SYK: variants seen among roughly 807,000 people sequenced by gnomAD.
SYK encodes tyrosine-protein kinase SYK.
A neutral mutation model predicts 77.8 loss-of-function variants in SYK; 16 were observed. That is an observed-to-expected ratio of 0.21 (90% CI 0.14 to 0.31). The LOEUF (loss-of-function observed/expected upper bound fraction) is 0.31. Ranked by LOEUF, SYK falls within the 10% of genes least tolerant of loss-of-function variation. The pLI, the probability that SYK is intolerant of heterozygous loss-of-function variation, is 1.00. For synonymous variants in SYK, 312 were observed against 308.7 expected (o/e 1.01, Z -0.11); for missense variants, 529 against 814.4 (o/e 0.65, Z 4.26).
intron 7 of SYK, among the ~76,000 whole-genome samples, chr9:90,870,675 T>C (rs1827694639): frequency 6.6e-6 from 1 of 152,192 alleles, no homozygotes; most frequent in Admixed American, 6.5e-5. Context: ...AAGCTAATAG[T>C]AGCCTATTCC....
intron 3 of SYK, among the ~76,000 whole-genome samples, chr9:90,846,984 A>G (rs971234454): frequency 3.3e-5 from 5 of 152,272 alleles, no homozygotes; most frequent in Non-Finnish European, 5.9e-5. Flanking sequence ...GAGGCTGGCC[A>G]ACTTCTGCTG....
intron 11 of SYK, among the ~76,000 whole-genome samples, chr9:90,886,551 A>G (rs1828586749): frequency 6.6e-6 from 1 of 152,104 alleles, no homozygotes; most frequent in Admixed American, 6.5e-5. Context: ...TAAAAATACA[A>G]AAAATTGGCC....
rs371809072 is a variant in SYK, at chr9:90,874,662, T to C, written c.1004-10T>C. ...AGCCCCAGGTCGTATGTTTCTTGAC[T>C]GCATTGCAGGCCCCCAGAGAGAAGC... On this transcript the variant is annotated splice_polypyrimidine_tract_variant and intron_variant, in intron 8 of 13. Transcript: ENST00000375754. The C allele has an allele frequency of 1.0e-5, 16 of 1,607,752 alleles. No individual in the cohort carries two copies. The African/African-American group carries it at 1.9e-4, about 19-fold the overall frequency.
intron 1 of SYK, among the ~76,000 whole-genome samples, chr9:90,836,822 G>C (rs990250067): frequency 5.9e-5 from 9 of 152,198 alleles, no homozygotes; most frequent in African/African-American, 2.2e-4. Context: ...ATAAGAAAAA[G>C]CTGAATTGCT....
At chr9:90,849,820 C>T (rs972607594) in intron 3 of SYK, among the ~76,000 whole-genome samples, 3 of 152,222 alleles carry the variant, frequency 2.0e-5, no homozygotes, top group Non-Finnish European at 4.4e-5. Context: ...TGTAAAATGG[C>T]TTTAATGTCA....
chr9:90,891,852 C>T (rs983357065), intron 13 of SYK, among the ~76,000 whole-genome samples: 1 of 152,186 alleles, frequency 6.6e-6, no homozygotes, highest in Admixed American at 6.5e-5. Flanking sequence ...GGGTCCCTCA[C>T]TGCAGGCATT....
intron 1 of SYK, among the ~76,000 whole-genome samples, chr9:90,836,503 ATTAACTGCAGT>A (rs1826092809): frequency 6.6e-6 from 1 of 152,216 alleles, no homozygotes; most frequent in Admixed American, 6.5e-5. Context: ...ATTGCATAAA[ATTAACTGCAGT>A]ACACACTGTA....
At chr9:90,819,189 A>T (rs1194581629) in intron 1 of SYK, among the ~76,000 whole-genome samples, 2 of 152,220 alleles carry the variant, frequency 1.3e-5, no homozygotes, top group Non-Finnish European at 2.9e-5. Flanking sequence ...GTCACTCAAA[A>T]TGGATAAAGA....
chr9:90,884,941 G>GTA (rs1011460641), intron 11 of SYK, among the ~76,000 whole-genome samples: 5 of 47,244 alleles, frequency 1.1e-4, no homozygotes, highest in African/African-American at 4.5e-4. Flanking sequence ...GCACATATGT[G>GTA]TATATATATA....
intron 11 of SYK, among the ~76,000 whole-genome samples, chr9:90,884,235 A>T (rs868789047): frequency 6.7e-6 from 1 of 148,312 alleles, no homozygotes; most frequent in South Asian, 2.1e-4. Context: ...ACATACACAT[A>T]CGTGTATATA....
chr9:90,828,303 C>G lies in SYK; in HGVS notation c.-41-15555C>G, dbSNP rs920840051. ...AAGGATCTTGGGATGGGTACCAGGG[C>G]AGGATCAAGGAAAGCCTGCAACTGC... On this transcript the variant is annotated intron_variant, in intron 1 of 13. Transcript: ENST00000375754. Among the ~76,000 whole-genome samples, 28 of 143,436 alleles carry G rather than the reference C, an allele frequency of 2.0e-4. 1 individual carries two copies. The highest frequency in any genetic ancestry group is 1.5e-5 in the Non-Finnish European group (1 of 66,562). 94.1% of individuals were successfully genotyped at this position (143,436 alleles called of 152,430 possible). A position where few individuals can be genotyped will look rare whatever the true frequency, so the allele number is the denominator to read the frequency against.
At position 90,897,691 on chromosome 9, in the gene SYK, T is replaced by G. The variant is rs1196128905; in HGVS notation, c.*2091T>G. 3 of 224,672 alleles carry G rather than the reference T, an allele frequency of 1.3e-5. No homozygotes were observed. 13.9% of individuals were successfully genotyped at this position (224,672 alleles called of 1,614,324 possible). On this transcript the variant is annotated 3_prime_UTR_variant, in exon 14 of 14. Coordinates refer to ENST00000375754, the MANE Select transcript of SYK (RefSeq NM_003177.7). The stretch of plus-strand genomic sequence containing the variant: ...CCCAGGAGCCTGGGGATGCCAAACA[T>G]CCAGAATGTGATGGGACAAGATGGG...
intron 11 of SYK, among the ~76,000 whole-genome samples, chr9:90,880,883 G>A (rs536647069): frequency 7.2e-5 from 11 of 152,332 alleles, no homozygotes; most frequent in African/African-American, 2.2e-4. Context: ...AGACCTCTGC[G>A]GGGCTGTCAG....
At chr9:90,874,609 T>G in intron 8 of SYK, 63 bp from the exon 9 acceptor site, 1 of 1,529,738 alleles carries the variant, frequency 6.5e-7, no homozygotes, top group South Asian at 1.2e-5. Flanking sequence ...ATCATGTTCT[T>G]GGAAGGATGA....
At chr9:90,831,934 G>A (rs1825912020) in intron 1 of SYK, among the ~76,000 whole-genome samples, 1 of 152,190 alleles carries the variant, frequency 6.6e-6, no homozygotes, top group Non-Finnish European at 1.5e-5. Context: ...AGAAGGTTGT[G>A]ATGTGCTTTA....
chr9:90,855,011 T>TACACACAC (rs55839931), intron 3 of SYK, among the ~76,000 whole-genome samples: 26,524 of 143,184 alleles, frequency 0.19, 2,989 homozygotes, highest in Admixed American at 0.31. Context: ...CACACATACA[T>TACACACAC]ACACACACAC....
chr9:90,873,280 G>A lies in SYK; in HGVS notation c.916-924G>A, dbSNP rs374913325. Among the ~76,000 whole-genome samples, 90 of 151,468 alleles carry A rather than the reference G, an allele frequency of 5.9e-4. 1 individual carries two copies. The highest frequency in any genetic ancestry group is 2.1e-3 in the African/African-American group (86 of 41,208). On this transcript the variant is annotated intron_variant, in intron 7 of 13. Coordinates refer to ENST00000375754, the MANE Select transcript of SYK (RefSeq NM_003177.7). ...TAATCTGGCAGTATCTCATTTCTTC[G>A]TGGCCAGTGTTTGGGCACTGAAAAG...
At chr9:90,847,519 G>T (rs1442890770) in intron 3 of SYK, among the ~76,000 whole-genome samples, 2 of 152,186 alleles carry the variant, frequency 1.3e-5, no homozygotes, top group African/African-American at 2.4e-5. Context: ...TCTCCCTTGT[G>T]TTGTCCACAG....
chr9:90,866,258 T>G (rs1827492300), intron 6 of SYK, among the ~76,000 whole-genome samples: 1 of 152,160 alleles, frequency 6.6e-6, no homozygotes, highest in Non-Finnish European at 1.5e-5. Flanking sequence ...GCACCTCACT[T>G]TTTGCCTGGT....
Sources: allele counts gnomAD v4.1 joint callset (sites outside exome capture counted in the v4.1 genomes callset), GRCh38; gene constraint gnomAD v4.1.1; transcripts MANE v1.5; gene names NCBI Gene and HGNC (gene_info 2026-07-23, HGNC 2026-07-21).